OTUD7B: variants seen among roughly 807,000 people sequenced by gnomAD.
OTUD7B encodes the protein OTU domain-containing protein 7B.
Under a neutral mutation model 82.2 loss-of-function variants are expected in OTUD7B, and 34 were observed. The observed-to-expected ratio is 0.41, with a 90% CI of 0.31 to 0.55. The LOEUF (loss-of-function observed/expected upper bound fraction) is 0.55. Among genes scored for constraint, OTUD7B ranks in the 20% least tolerant of loss-of-function variants. OTUD7B has a pLI of 0.20. For missense variants in OTUD7B, 944 were observed against 1,062.1 expected (o/e 0.89, Z 1.55); for synonymous variants, 398 against 402.7 (o/e 0.99, Z 0.14).
intron 7 of OTUD7B, among the ~76,000 whole-genome samples, chr1:149,956,131 C>A (rs908894066): frequency 1.3e-5 from 2 of 152,088 alleles, no homozygotes; most frequent in African/African-American, 4.8e-5. Flanking sequence ...TTCCTAGCAT[C>A]GATGGTCTTT....
At chr1:149,964,458 C>G (rs1194487713) in intron 5 of OTUD7B, 109 bp from the exon 6 acceptor site, 3 of 1,163,030 alleles carry the variant, frequency 2.6e-6, no homozygotes, top group Non-Finnish European at 3.6e-6. Context: ...TCTCAAACCC[C>G]TGGCCTCAAG....
the OTUD7B span, among the ~76,000 whole-genome samples, chr1:150,027,217 A>T: frequency 3.3e-5 from 5 of 152,214 alleles, no homozygotes; most frequent in African/African-American, 1.2e-4. Context: ...TTATAGCACT[A>T]TCTCTAACTT....
chr1:149,993,585 C>T (rs367843586), intron 1 of OTUD7B, among the ~76,000 whole-genome samples: 3 of 152,262 alleles, frequency 2.0e-5, no homozygotes, highest in African/African-American at 2.4e-5. Context: ...ACAATTTACT[C>T]CTTTGGATTA....
the OTUD7B span, among the ~76,000 whole-genome samples, chr1:150,043,217 G>A: frequency 1.3e-5 from 2 of 152,050 alleles, no homozygotes; most frequent in Non-Finnish European, 2.9e-5. Flanking sequence ...ATTCTAGCAC[G>A]CTGAAGTTTG....
rs376763450 is a variant in OTUD7B, at chr1:149,947,297, T to C, written c.1277A>G (p.His426Arg). Reference protein sequence around the residue: ...LSLEVKLHLLHSYMNVKWIPL... With the variant: ...LSLEVKLHLLRSYMNVKWIPL... ...GATCCACTTCACATTCATGTAGCTA[T>C]GCAGCAGATGCAATTTGACCTCTAG... The change falls in exon 11 of 12, where the codon CAT becomes CGT. Residue 426 changes from histidine (H) to arginine (R), a missense_variant. By Grantham distance (29) the His-to-Arg change is conservative. Around this residue, in one of 3 missense-constraint regions of OTUD7B, gnomAD observed 530 missense variants for 625.6 expected, o/e 0.85. Transcript: ENST00000581312. 11 of 1,611,020 alleles carry C rather than the reference T, an allele frequency of 6.8e-6. No individual in the cohort carries two copies. The highest frequency in any genetic ancestry group is 2.2e-5 in the East Asian group (1 of 44,848).
upstream of OTUD7B, among the ~76,000 whole-genome samples, chr1:150,014,677 T>C (rs782412447): frequency 4.6e-5 from 7 of 151,626 alleles, no homozygotes; most frequent in Non-Finnish European, 1.0e-4. Flanking sequence ...TATGAATGAA[T>C]CTTGGACTCA....
At position 149,964,259 on chromosome 1, in the gene OTUD7B, C is replaced by T. The variant is rs781918456; in HGVS notation, c.695G>A (p.Arg232Lys). The T allele has an allele frequency of 6.2e-6, 10 of 1,613,790 alleles. No individual in the cohort carries two copies. The highest frequency in any genetic ancestry group is 8.5e-6 in the Non-Finnish European group (10 of 1,180,024). ...EKGVEKEALK[R>K]RWRWQQTQQN... ...CTGTGTCTGCTGCCACCTCCAGCGC[C>T]TTTTCAACGCTTCCTTCTCAACTCC... The change falls in exon 6 of 12, where the codon AGG (arginine) becomes AAG (lysine). Residue 232 changes from arginine to lysine, a missense_variant. Physicochemically the swap from Arg to Lys is conservative, Grantham distance 26. Around this residue, in one of 3 missense-constraint regions of OTUD7B, gnomAD observed 530 missense variants for 625.6 expected, o/e 0.85. Coordinates refer to ENST00000581312, the MANE Select transcript of OTUD7B (RefSeq NM_020205.4).
the OTUD7B span, chr1:150,054,249 A>G: frequency 6.6e-6 from 3 of 455,924 alleles, no homozygotes; most frequent in African/African-American, 4.0e-5. Context: ...AGCCAAGGAA[A>G]AAAACCCTTC....
At chr1:149,964,184 C>T in intron 6 of OTUD7B, 38 bp downstream of exon 6, 1 of 1,604,888 alleles carries the variant, frequency 6.2e-7, no homozygotes, top group Non-Finnish European at 8.5e-7. Flanking sequence ...AGCTTGGTAA[C>T]TTTAGGAAAC....
chr1:149,986,272 C>G (rs782184835), intron 1 of OTUD7B, among the ~76,000 whole-genome samples: 4 of 151,150 alleles, frequency 2.6e-5, no homozygotes, highest in Non-Finnish European at 4.4e-5. Flanking sequence ...CACACACACA[C>G]AGTACTGTTG....
the OTUD7B span, among the ~76,000 whole-genome samples, chr1:150,050,967 G>A: frequency 1.5e-4 from 22 of 150,646 alleles, no homozygotes; most frequent in Non-Finnish European, 2.7e-4. Flanking sequence ...GGTGGCTCAC[G>A]CCTGTAATTC....
intron 8 of OTUD7B, 101 bp downstream of exon 8, chr1:149,949,993 G>A: frequency 6.7e-7 from 1 of 1,488,650 alleles, no homozygotes; most frequent in East Asian, 2.3e-5. Context: ...TTTTCCCCAA[G>A]GGTCTATATA....
At chr1:149,997,181 G>A (rs1651976710) in intron 1 of OTUD7B, among the ~76,000 whole-genome samples, 1 of 152,108 alleles carries the variant, frequency 6.6e-6, no homozygotes, top group African/African-American at 2.4e-5. Flanking sequence ...TCAAGTATCT[G>A]TTATCACATA....
intron 1 of OTUD7B, among the ~76,000 whole-genome samples, chr1:149,999,759 G>T (rs56244698): frequency 6.6e-6 from 1 of 152,096 alleles, no homozygotes; most frequent in Admixed American, 6.5e-5. Flanking sequence ...TCCCACTGTC[G>T]TGTCTTAATT....
chr1:149,951,712 T>C (rs1648267101), intron 7 of OTUD7B, among the ~76,000 whole-genome samples: 1 of 152,158 alleles, frequency 6.6e-6, no homozygotes, highest in African/African-American at 2.4e-5. Flanking sequence ...GGTCCAGAAA[T>C]CAGCTTTTTA....
At chr1:150,050,601 T>C in the OTUD7B span, 15 of 152,158 alleles carry the variant, frequency 9.9e-5, no homozygotes, top group Non-Finnish European at 2.2e-4. Flanking sequence ...GAAAAAATAA[T>C]GTAACAGCAA....
chr1:150,014,074 G>GTC, upstream of OTUD7B, among the ~76,000 whole-genome samples: 1 of 29,012 alleles, frequency 3.4e-5, no homozygotes, highest in African/African-American at 1.2e-4. Context: ...GTGTGTGTGT[G>GTC]TGTGTGTGTG....
the OTUD7B span, among the ~76,000 whole-genome samples, chr1:150,061,225 T>C: frequency 6.6e-6 from 1 of 152,136 alleles, no homozygotes; most frequent in Admixed American, 6.5e-5. Flanking sequence ...ATCTATAGGT[T>C]TGTAGCCCTA....
At chr1:149,949,501 CT>C in intron 9 of OTUD7B, 127 bp downstream of exon 9, 1 of 992,970 alleles carries the variant, frequency 1.0e-6, no homozygotes, top group Non-Finnish European at 1.5e-6. Context: ...TAACTTCTGG[CT>C]TAATAAAACA....
Sources: allele counts gnomAD v4.1 joint callset (sites outside exome capture counted in the v4.1 genomes callset), GRCh38; gene constraint gnomAD v4.1.1; regional missense constraint gnomAD v4.1.1; transcripts MANE v1.5; gene names NCBI Gene and HGNC (gene_info 2026-07-23, HGNC 2026-07-21).